FOCAD: variants seen among roughly 807,000 people sequenced by gnomAD.
FOCAD encodes the protein KIAA1797.
FOCAD carries 198 observed loss-of-function variants against 225.6 expected under a neutral mutation model. The ratio of observed to expected loss-of-function variants is 0.88; its 90% confidence interval spans 0.78 to 0.99. The LOEUF is 0.99. Ranked by LOEUF, FOCAD falls within the 50% of genes least tolerant of loss-of-function variation. The probability of loss-of-function intolerance (pLI) is 0.00; values close to 1 mark genes in which losing one functional copy is unlikely to be tolerated. For missense variants in FOCAD, 2,713 were observed against 2,123.6 expected (o/e 1.28, Z -5.46); for synonymous variants, 897 against 755.0 (o/e 1.19, Z -3.08).
chr9:20,784,185 A>C (rs1056864389), intron 10 of FOCAD, among the ~76,000 whole-genome samples: 2 of 152,162 alleles, frequency 1.3e-5, no homozygotes, highest in African/African-American at 4.8e-5. Context: ...GCAGGCTGGA[A>C]TTGGCTGAGC....
rs565022562 is a variant in FOCAD at position 20,776,557 on chromosome 9, C to T, written c.907-2124C>T. Among the ~76,000 whole-genome samples, 13 of 152,274 alleles carry T rather than the reference C, an allele frequency of 8.5e-5. No individual in the cohort carries two copies. In the East Asian group the frequency reaches 2.1e-3, roughly 25 times the overall value. On this transcript the variant is annotated intron_variant, in intron 8 of 43. Transcript: ENST00000338382. Reference sequence around the variant, plus strand: ...CCATTTACTTTTCCTTATTTTTGATCTTGAATCTCCACCTCTTTTCCATTC... The same window carrying T: ...CCATTTACTTTTCCTTATTTTTGATTTTGAATCTCCACCTCTTTTCCATTC...
intron 15 of FOCAD, among the ~76,000 whole-genome samples, chr9:20,845,728 G>C (rs892883019): frequency 2.0e-5 from 3 of 151,946 alleles, no homozygotes; most frequent in Admixed American, 2.0e-4. Flanking sequence ...ATACGGGAGT[G>C]CTGCTTTCTC....
At chr9:20,973,594 T>C (rs1330985751) in intron 35 of FOCAD, among the ~76,000 whole-genome samples, 5 of 150,844 alleles carry the variant, frequency 3.3e-5, no homozygotes, top group African/African-American at 7.3e-5. Context: ...GTTTTTTTCC[T>C]GCTGACTCTT....
At chr9:20,665,174 A>T (rs959145540) in intron 2 of FOCAD, among the ~76,000 whole-genome samples, 2 of 152,114 alleles carry the variant, frequency 1.3e-5, no homozygotes, top group African/African-American at 4.8e-5. Context: ...AAAAAGAAAA[A>T]CCTTGCTTGA....
At chr9:20,986,183 A>G (rs1390766958) in intron 39 of FOCAD, 105 bp from the exon 40 acceptor site, 8 of 1,065,392 alleles carry the variant, frequency 7.5e-6, no homozygotes, top group Non-Finnish European at 1.0e-5. Flanking sequence ...TGAACAGAAT[A>G]GTAACATCCA....
chr9:20,698,536 G>A (rs892748351), intron 1 of FOCAD, among the ~76,000 whole-genome samples: 5 of 152,024 alleles, frequency 3.3e-5, no homozygotes, highest in Non-Finnish European at 7.4e-5. Flanking sequence ...GAGTAACTGA[G>A]ACCACAGGGA....
chr9:20,923,557 A>C, intron 24 of FOCAD, 103 bp from the exon 25 acceptor site: 1 of 734,880 alleles, frequency 1.4e-6, no homozygotes, highest in Non-Finnish European at 2.3e-6. Context: ...CTGTGAAGGA[A>C]CACAAGTTGC....
At chr9:20,671,575 C>T (rs773439588) in intron 2 of FOCAD, among the ~76,000 whole-genome samples, 2 of 151,602 alleles carry the variant, frequency 1.3e-5, no homozygotes, top group Non-Finnish European at 2.9e-5. Context: ...AGGGAGGCAT[C>T]ATTCTCTCAC....
intron 35 of FOCAD, among the ~76,000 whole-genome samples, chr9:20,956,568 G>T (rs899716037): frequency 6.6e-6 from 1 of 151,976 alleles, no homozygotes; most frequent in East Asian, 1.9e-4. Context: ...AAAAAGTAAT[G>T]ACTTTACATG....
At chr9:20,844,173 AAAG>A (rs1826832705) in intron 15 of FOCAD, among the ~76,000 whole-genome samples, 1 of 152,056 alleles carries the variant, frequency 6.6e-6, no homozygotes, top group African/African-American at 2.4e-5. Flanking sequence ...TAATGGCCCT[AAAG>A]TAGAAACCAC....
intron 24 of FOCAD, among the ~76,000 whole-genome samples, chr9:20,919,688 C>G (rs557154503): frequency 6.6e-6 from 1 of 152,090 alleles, no homozygotes; most frequent in African/African-American, 2.4e-5. Context: ...CTTTGACAAA[C>G]CTGAGAAAAA....
At chr9:20,709,995 C>A (rs1587290849) in intron 1 of FOCAD, among the ~76,000 whole-genome samples, 1 of 152,130 alleles carries the variant, frequency 6.6e-6, no homozygotes, top group Non-Finnish European at 1.5e-5. Flanking sequence ...TTAGCCTACC[C>A]AGCTGCTCAC....
At chr9:20,916,052 A>G (rs1404669101) in intron 23 of FOCAD, among the ~76,000 whole-genome samples, 2 of 152,220 alleles carry the variant, frequency 1.3e-5, no homozygotes, top group African/African-American at 4.8e-5. Context: ...AGAGTGACTC[A>G]TTCTCAGAGT....
chr9:20,749,231 G>A (rs1435144623), intron 5 of FOCAD, among the ~76,000 whole-genome samples: 1 of 152,084 alleles, frequency 6.6e-6, no homozygotes, highest in East Asian at 1.9e-4. Context: ...GTTGTAATAG[G>A]AAGTATATTT....
chr9:20,847,273 G>A (rs147277729), intron 15 of FOCAD, among the ~76,000 whole-genome samples: 2 of 152,036 alleles, frequency 1.3e-5, no homozygotes, highest in East Asian at 3.9e-4. Context: ...TCTACTTTTA[G>A]TTTCTATAAA....
intron 35 of FOCAD, among the ~76,000 whole-genome samples, chr9:20,969,481 TA>T (rs1052284270): frequency 9.9e-5 from 15 of 152,128 alleles, no homozygotes; most frequent in Non-Finnish European, 1.8e-4. Context: ...TTCTAATTGT[TA>T]AATTTCTTGA....
rs530078740 is a variant in FOCAD at position 20,929,389 on chromosome 9, C to G, written c.3110C>G (p.Ala1037Gly). 7 of 1,614,076 alleles carry G rather than the reference C, an allele frequency of 4.3e-6. No individual in the cohort carries two copies. In the East Asian group the frequency reaches 1.3e-4, roughly 31 times the overall value. ...KSYSGENTAS[A>G]IARSAAATAL... ...TATTCTGGTGAAAACACAGCTAGTG[C>G]CATTGCCCGTTCTGCTGCCGCCACG... The change falls in exon 27 of 44, where the codon GCC becomes GGC. Residue 1037 changes from alanine to glycine, a missense_variant. Ala to Gly is a moderately conservative substitution (Grantham distance 60). Transcript: ENST00000338382.
intron 35 of FOCAD, among the ~76,000 whole-genome samples, chr9:20,966,204 A>G (rs981434015): frequency 2.0e-5 from 3 of 152,028 alleles, no homozygotes; most frequent in Admixed American, 6.6e-5. Context: ...CTTATTTTCC[A>G]TTATTATTAT....
At chr9:20,927,524 A>G (rs1160525390) in intron 26 of FOCAD, among the ~76,000 whole-genome samples, 1 of 151,844 alleles carries the variant, frequency 6.6e-6, no homozygotes, top group Non-Finnish European at 1.5e-5. Context: ...AATGTTGTTG[A>G]TCATTTAAAA....
Sources: allele counts gnomAD v4.1 joint callset (sites outside exome capture counted in the v4.1 genomes callset), GRCh38; gene constraint gnomAD v4.1.1; transcripts MANE v1.5; gene names NCBI Gene and HGNC (gene_info 2026-07-23, HGNC 2026-07-21).